GRIA4: variants seen among roughly 807,000 people sequenced by gnomAD.
GRIA4 encodes the protein glutamate receptor 4.
Under a neutral mutation model 104.0 loss-of-function variants are expected in GRIA4, and 34 were observed. The ratio of observed to expected loss-of-function variants is 0.33; its 90% CI spans 0.25 to 0.44. GRIA4 has a LOEUF of 0.44. Among genes scored for constraint, GRIA4 ranks in the 20% least tolerant of loss-of-function variants. The pLI is 1.00. For missense variants in GRIA4, 750 were observed against 1,096.5 expected (o/e 0.68, Z 4.46); for synonymous variants, 386 against 381.9 (o/e 1.01, Z -0.13).
At chr11:105,928,124 C>CTTTTGTAACTTTAACTTT in intron 13 of GRIA4, among the ~76,000 whole-genome samples, 1 of 152,032 alleles carries the variant, frequency 6.6e-6, no homozygotes, top group Non-Finnish European at 1.5e-5. Flanking sequence ...ACTTGAATTT[C>CTTTTGTAACTTTAACTTT]TGTAAGATAT....
At chr11:105,650,546 AC>A (rs1353139137) in intron 3 of GRIA4, among the ~76,000 whole-genome samples, 1 of 152,144 alleles carries the variant, frequency 6.6e-6, no homozygotes, top group Non-Finnish European at 1.5e-5. Flanking sequence ...ACAACCTAAA[AC>A]TCTTGAACAC....
chr11:105,947,716 AACTGAATG>A (rs1447882709), intron 14 of GRIA4, among the ~76,000 whole-genome samples: 1 of 152,220 alleles, frequency 6.6e-6, no homozygotes, highest in African/African-American at 2.4e-5. Flanking sequence ...AGTAGCAAAT[AACTGAATG>A]ACTATGTAAT....
chr11:105,801,659 G>A (rs1942725992), intron 4 of GRIA4, among the ~76,000 whole-genome samples: 3 of 151,952 alleles, frequency 2.0e-5, no homozygotes, highest in African/African-American at 7.2e-5. Context: ...ACCATTTACT[G>A]TCTACAATGT....
At chr11:105,825,054 T>G (rs571286250) in intron 4 of GRIA4, among the ~76,000 whole-genome samples, 1 of 152,174 alleles carries the variant, frequency 6.6e-6, no homozygotes, top group African/African-American at 2.4e-5. Flanking sequence ...TTACCCTATT[T>G]ATGGTCTCAA....
intron 14 of GRIA4, 87 bp downstream of exon 14, chr11:105,934,056 G>T (rs1023805371): frequency 1.8e-6 from 2 of 1,092,068 alleles, no homozygotes; most frequent in Non-Finnish European, 2.6e-6. Flanking sequence ...TTTGTTTTGT[G>T]TGTGAACATG....
chr11:105,827,845 G>A (rs1943831831), intron 4 of GRIA4, among the ~76,000 whole-genome samples: 1 of 151,952 alleles, frequency 6.6e-6, no homozygotes, highest in Admixed American at 6.6e-5. Context: ...TAAGTCAATA[G>A]ACTATCAACT....
intron 4 of GRIA4, among the ~76,000 whole-genome samples, chr11:105,844,102 C>T (rs1415455036): frequency 6.6e-6 from 1 of 152,144 alleles, no homozygotes; most frequent in Non-Finnish European, 1.5e-5. Flanking sequence ...CCCTTTCACT[C>T]TTGAAATTGT....
chr11:105,879,791 T>C (rs985145800), intron 5 of GRIA4, among the ~76,000 whole-genome samples: 1 of 152,238 alleles, frequency 6.6e-6, no homozygotes, highest in African/African-American at 2.4e-5. Flanking sequence ...TCATCAATTA[T>C]CTAATATGAT....
At chr11:105,801,155 C>A (rs1942703737) in intron 4 of GRIA4, among the ~76,000 whole-genome samples, 1 of 151,376 alleles carries the variant, frequency 6.6e-6, no homozygotes, top group African/African-American at 2.4e-5. Flanking sequence ...AACACAAAAT[C>A]TTATTTCTTA....
intron 4 of GRIA4, among the ~76,000 whole-genome samples, chr11:105,794,484 T>TATATATAC (rs1942382383): frequency 9.5e-6 from 1 of 105,196 alleles, no homozygotes; most frequent in Non-Finnish European, 1.9e-5. Flanking sequence ...TATATATATA[T>TATATATAC]ATATATATAT....
At chr11:105,759,490 A>C (rs1440079948) in intron 4 of GRIA4, among the ~76,000 whole-genome samples, 9 of 152,122 alleles carry the variant, frequency 5.9e-5, no homozygotes, top group African/African-American at 2.2e-4. Context: ...TACATATGTC[A>C]CATTCTTAAT....
chr11:105,771,529 A>C (rs960617364), intron 4 of GRIA4, among the ~76,000 whole-genome samples: 4 of 152,204 alleles, frequency 2.6e-5, no homozygotes, highest in African/African-American at 9.6e-5. Flanking sequence ...TCCTTTTTGC[A>C]AACAAGTTTC....
rs1407315110 is a variant in GRIA4 at position 105,612,430 on chromosome 11, C to T, written c.243C>T (p.Asn81=). The T allele has an allele frequency of 4.3e-6, 7 of 1,613,488 alleles. No individual in the cohort carries two copies. The highest frequency in any genetic ancestry group is 5.9e-6 in the Non-Finnish European group (7 of 1,179,592). ...CAGCCAACAGTTTTGCTGTAACAAACGCCTGTAAGTAAAACATAAGCTATG... is the reference window on the plus strand; with the variant it reads ...CAGCCAACAGTTTTGCTGTAACAAATGCCTGTAAGTAAAACATAAGCTATG... The part of the protein sequence containing the change: ...IETANSFAVT[N]AFCSQYSRGV... Residue 81 remains asparagine, a synonymous_variant, in exon 3 of 17, where the codon AAC becomes AAT. Transcript: ENST00000282499.
intron 4 of GRIA4, among the ~76,000 whole-genome samples, chr11:105,770,992 T>C (rs1941183742): frequency 6.6e-6 from 1 of 152,060 alleles, no homozygotes; most frequent in Non-Finnish European, 1.5e-5. Flanking sequence ...TTTTCTTTAA[T>C]TATGTGTACT....
At chr11:105,677,752 G>C (rs775639838) in intron 3 of GRIA4, among the ~76,000 whole-genome samples, 4 of 152,012 alleles carry the variant, frequency 2.6e-5, no homozygotes, top group Non-Finnish European at 4.4e-5. Flanking sequence ...ATCTAAATGA[G>C]GATAAGCAAC....
chr11:105,905,538 A>C (rs1172579896), intron 9 of GRIA4, among the ~76,000 whole-genome samples: 4 of 152,216 alleles, frequency 2.6e-5, no homozygotes, highest in African/African-American at 9.6e-5. Flanking sequence ...TCTCTTATCC[A>C]AAATGGATGC....
At chr11:105,961,251 A>T (rs1048949855) in intron 14 of GRIA4, among the ~76,000 whole-genome samples, 1 of 152,190 alleles carries the variant, frequency 6.6e-6, no homozygotes, top group Admixed American at 6.5e-5. Flanking sequence ...AATTATTTTT[A>T]TATGATTTTA....
At chr11:105,803,329 A>G (rs927148204) in intron 4 of GRIA4, among the ~76,000 whole-genome samples, 4 of 151,938 alleles carry the variant, frequency 2.6e-5, no homozygotes, top group Admixed American at 2.0e-4. Context: ...CTGAGAATTT[A>G]GGTTATTTGC....
chr11:105,893,856 G>T (rs1367301543), intron 6 of GRIA4, among the ~76,000 whole-genome samples: 2 of 152,166 alleles, frequency 1.3e-5, no homozygotes, highest in African/African-American at 4.8e-5. Flanking sequence ...TCTGATAGAA[G>T]CAAACCAATG....
Sources: gnomAD v4.1 joint callset for allele counts (sites outside exome capture counted in the v4.1 genomes callset) on GRCh38, gnomAD v4.1.1 for gene constraint, MANE v1.5 for transcripts, NCBI Gene and HGNC (gene_info 2026-07-23, HGNC 2026-07-21) for gene names.